ZNF681: variants seen among roughly 807,000 people sequenced by gnomAD.
ZNF681 encodes hypothetical protein FLJ31526.
In ZNF681, 37 loss-of-function variants were observed where a neutral mutation model predicts 56.0. The ratio of observed to expected loss-of-function variants is 0.66; its 90% CI spans 0.51 to 0.87. The LOEUF is 0.87. Among genes scored for constraint, ZNF681 ranks in the 40% least tolerant of loss-of-function variants. The probability of loss-of-function intolerance (pLI) is 0.00; values close to 1 mark genes in which losing one functional copy is unlikely to be tolerated. For synonymous variants in ZNF681, 225 were observed against 248.6 expected, an observed-to-expected ratio of 0.91 and a Z score of 0.89; for missense variants, 741 against 744.9, an observed-to-expected ratio of 0.99 and a Z score of 0.06.
rs1261193435 is a variant in ZNF681 at position 23,745,058 on chromosome 19, G to A, written c.492C>T (p.His164=). ...FSNLNGHKVR[H]TRKKPFKYKE... ...TATATTTAAAAGGTTTTTTTCTGGT[G>A]TGTCTTACCTTATGTCCATTTAAAT... The change falls in exon 4 of 4, where the codon CAC becomes CAT. Residue 164 remains histidine (H), a synonymous_variant. Coordinates refer to ENST00000402377, the MANE Select transcript of ZNF681 (RefSeq NM_138286.3). The A allele has an allele frequency of 1.9e-6, 3 of 1,596,200 alleles. No homozygotes were observed. The African/African-American group carries it at 4.0e-5, about 22-fold the overall frequency.
In ZNF681 at chr19:23,742,721, C is replaced by T. The variant is rs886389764; in HGVS notation, c.*891G>A. 10 of 67,522 alleles carry T rather than the reference C, an allele frequency of 1.5e-4. No homozygotes were observed. Among genetic ancestry groups the T allele is most frequent in the African/African-American group, 5.2e-4 (10 of 19,062 alleles). The allele number at this position is 67,522 out of a possible 1,614,324, so 4.2% of individuals were successfully genotyped here. ...GCACACCTAATAACAAAGAATCTCT[C>T]ATCTTTGATGCAGCAACAATTAAGT... On this transcript the variant is annotated 3_prime_UTR_variant, in exon 4 of 4. Transcript: ENST00000402377.
Position 23,744,219 on chromosome 19 carries a change from T to C in ZNF681, c.1331A>G (p.His444Arg). ...ACATTTGTATGGTTTCTCTTCAGTA[T>C]GAATATTCTTATGTTCAGTAAGGTT... ...SSNLTEHKNI[H>R]TEEKPYKCEE... Residue 444 changes from histidine to arginine, a missense_variant, in exon 4 of 4, where the codon CAT (histidine) becomes CGT (arginine). Physicochemically the swap from His to Arg is conservative, Grantham distance 29 (BLOSUM62 0). Transcript: ENST00000402377. 6.2e-7 allele frequency: 1 copy of C among 1,613,692 alleles called. No individual in the cohort carries two copies. The highest frequency in any genetic ancestry group is 8.5e-7 in the Non-Finnish European group (1 of 1,179,832).
At chr19:23,747,090 CA>C (rs1400181412) in intron 3 of ZNF681, among the ~76,000 whole-genome samples, 10 of 152,192 alleles carry the variant, frequency 6.6e-5, no homozygotes, top group African/African-American at 2.2e-4. Flanking sequence ...GCCTGGGTAA[CA>C]GAAAGAGATC....
At chr19:23,758,070 C>T (rs56369523) in intron 1 of ZNF681, among the ~76,000 whole-genome samples, 26 of 152,202 alleles carry the variant, frequency 1.7e-4, no homozygotes, top group Non-Finnish European at 3.5e-4. Context: ...GTGATGACAT[C>T]GCAAGTCACA....
chr19:23,755,592 CACACACAT>C (rs71165894), intron 1 of ZNF681, 41 bp from the exon 2 acceptor site: 258,188 of 1,261,246 alleles, frequency 0.2, 5,741 homozygotes, highest in Non-Finnish European at 0.23. Flanking sequence ...CACACACACA[CACACACAT>C]ACACATTTAG....
rs1968912659 is a variant in ZNF681 at position 23,744,478 on chromosome 19, T to C, written c.1072A>G (p.Ile358Val). The C allele has an allele frequency of 6.3e-7, 1 of 1,578,288 alleles. No homozygotes were observed. The highest frequency in any genetic ancestry group is 8.6e-7 in the Non-Finnish European group (1 of 1,159,196). ...NQSSHLTRHK[I>V]IHTGEKPYRC... ...TAGGGCTTCTCTCCAGTATGAATTA[T>C]CTTATGTCTGGTAAGGTGTGAGGAC... The change falls in exon 4 of 4, where the codon ATA becomes GTA. Residue 358 changes from isoleucine (I) to valine (V), a missense_variant. By Grantham distance (29) the Ile-to-Val change is conservative. Transcript: ENST00000402377.
chr19:23,757,281 T>C (rs1178660647), intron 1 of ZNF681, among the ~76,000 whole-genome samples: 2 of 152,176 alleles, frequency 1.3e-5, no homozygotes, highest in Admixed American at 6.5e-5. Flanking sequence ...TAACACATTA[T>C]GTAATTTAAT....
In ZNF681 at chr19:23,744,158, G is replaced by A. The variant is rs778130013; in HGVS notation, c.1392C>T (p.Asn464=). 6.8e-6 allele frequency: 11 copies of A among 1,613,336 alleles called. No individual in the cohort carries two copies. The highest frequency in any genetic ancestry group is 9.3e-6 in the Non-Finnish European group (11 of 1,179,888). Residue 464 remains asparagine (N), a synonymous_variant, in exon 4 of 4, where the codon AAC becomes AAT. Coordinates refer to ENST00000402377, the MANE Select transcript of ZNF681 (RefSeq NM_138286.3). The part of the protein sequence containing the change: ...ECGKAFNQFS[N]LTTHKRIHTG... ...TATGAATTCTTTTATGTGTAGTAAG[G>A]TTTGAGAACTGGTTAAAGGCTTTCC...
intron 3 of ZNF681, among the ~76,000 whole-genome samples, chr19:23,751,229 C>T (rs1257779939): frequency 6.6e-6 from 1 of 151,518 alleles, no homozygotes; most frequent in Non-Finnish European, 1.5e-5. Flanking sequence ...GTAATCCCAG[C>T]ACTTTGGGTG....
chr19:23,752,757 A>G (rs1969051758), intron 3 of ZNF681, among the ~76,000 whole-genome samples: 1 of 152,056 alleles, frequency 6.6e-6, no homozygotes, highest in Non-Finnish European at 1.5e-5. Context: ...AAAGACCTTT[A>G]CCTTCTGAAA....
At chr19:23,753,324 G>A (rs1029602631) in intron 3 of ZNF681, among the ~76,000 whole-genome samples, 20 of 152,400 alleles carry the variant, frequency 1.3e-4, no homozygotes, top group Admixed American at 3.3e-4. Context: ...GCTTGAACCC[G>A]GGAGGCAGAG....
intron 1 of ZNF681, among the ~76,000 whole-genome samples, chr19:23,755,773 G>A (rs1051050059): frequency 2.0e-5 from 3 of 152,034 alleles, no homozygotes; most frequent in African/African-American, 7.3e-5. Context: ...AAAAGAAAGC[G>A]GCATTAGATC....
Position 23,739,481 on chromosome 19 carries a change from G to A in ZNF681, c.*4131C>T, listed in dbSNP as rs1164799411. 1 of 152,180 alleles carries A rather than the reference G, an allele frequency of 6.6e-6. No individual in the cohort carries two copies. The highest frequency in any genetic ancestry group is 1.5e-5 in the Non-Finnish European group (1 of 68,024). 9.4% of individuals were successfully genotyped at this position (152,180 alleles called of 1,614,324 possible). A position where few individuals can be genotyped will look rare whatever the true frequency, so the allele number is the denominator to read the frequency against. ...GAAAAATGCTAAAACATTGTCATGTGCTCTTACCACAAAAATGTTAACTAT... is the reference window on the plus strand; with the variant it reads ...GAAAAATGCTAAAACATTGTCATGTACTCTTACCACAAAAATGTTAACTAT... On this transcript the variant is annotated 3_prime_UTR_variant, in exon 4 of 4. Coordinates refer to ENST00000402377, the MANE Select transcript of ZNF681 (RefSeq NM_138286.3).
chr19:23,748,035 A>C (rs1968970910), intron 3 of ZNF681, among the ~76,000 whole-genome samples: 1 of 152,164 alleles, frequency 6.6e-6, no homozygotes, highest in African/African-American at 2.4e-5. Context: ...AACATATAAA[A>C]ATAACTAATA....
At chr19:23,753,162 G>A (rs563651660) in intron 3 of ZNF681, among the ~76,000 whole-genome samples, 402 of 152,402 alleles carry the variant, frequency 2.6e-3, no homozygotes, top group African/African-American at 9.4e-3. Flanking sequence ...ACTTTGGGAG[G>A]CTGAGGCAGG....
Position 23,754,839 on chromosome 19 carries a change from C to T in ZNF681, c.210G>A (p.Met70Ile). Residue 70 changes from methionine (M) to isoleucine (I), a missense_variant, in exon 3 of 4, where the codon ATG (methionine) becomes ATA (isoleucine). Coordinates refer to ENST00000402377, the MANE Select transcript of ZNF681 (RefSeq NM_138286.3). ...KEPWTRKRHR[M>I]VAEPPVICSH... is the part of the protein sequence containing the mutation. Reference sequence around the variant, plus strand: ...CTCACCTACCTGGGGGTTCGGCCACCATCCTATGTCTCTTTCTAGTCCAAG... The same window carrying T: ...CTCACCTACCTGGGGGTTCGGCCACTATCCTATGTCTCTTTCTAGTCCAAG... The T allele has an allele frequency of 6.2e-7, 1 of 1,614,042 alleles. No homozygotes were observed. Among genetic ancestry groups the T allele is most frequent in the Non-Finnish European group, 8.5e-7 (1 of 1,179,992 alleles).
At chr19:23,748,574 G>A (rs1968979810) in intron 3 of ZNF681, among the ~76,000 whole-genome samples, 1 of 152,142 alleles carries the variant, frequency 6.6e-6, no homozygotes, top group African/African-American at 2.4e-5. Flanking sequence ...TTCACTAGAA[G>A]CAAGGAGCCC....
chr19:23,756,823 T>C (rs1434948125), intron 1 of ZNF681, among the ~76,000 whole-genome samples: 4 of 151,802 alleles, frequency 2.6e-5, no homozygotes, highest in Non-Finnish European at 4.4e-5. Flanking sequence ...AAAAAAAATA[T>C]ATTATAAAAG....
chr19:23,741,898 A>T lies in ZNF681; in HGVS notation c.*1714T>A, dbSNP rs1968878756. 1 of 152,156 alleles carries T rather than the reference A, an allele frequency of 6.6e-6. No homozygotes were observed. The highest frequency in any genetic ancestry group is 2.4e-5 in the African/African-American group (1 of 41,440). The allele number at this position is 152,156 out of a possible 1,614,324, so 9.4% of individuals were successfully genotyped here. A position where few individuals can be genotyped will look rare whatever the true frequency, so the allele number is the denominator to read the frequency against. On this transcript the variant is annotated 3_prime_UTR_variant, in exon 4 of 4. Coordinates refer to ENST00000402377, the MANE Select transcript of ZNF681 (RefSeq NM_138286.3). ...TGTACCCACAAAAATTAAGAAAAAT[A>T]AGTTTAAATAAGAAAAAATGAGTAA...
Sources: gnomAD v4.1 joint callset for allele counts (sites outside exome capture counted in the v4.1 genomes callset) on GRCh38, gnomAD v4.1.1 for gene constraint, MANE v1.5 for transcripts, NCBI Gene and HGNC (gene_info 2026-07-23, HGNC 2026-07-21) for gene names.